PLPP3: variants seen among roughly 807,000 people sequenced by gnomAD.
PLPP3 encodes phospholipid phosphatase 3, also known as PAP2 beta.
Under a neutral mutation model 29.6 loss-of-function variants are expected in PLPP3, and 6 were observed. The observed-to-expected ratio is 0.20, with a 90% CI of 0.11 to 0.40. PLPP3 has a LOEUF of 0.40. Ranked by LOEUF, PLPP3 falls within the 10% of genes least tolerant of loss-of-function variation. The probability of loss-of-function intolerance (pLI) is 1.00; values close to 1 mark genes in which losing one functional copy is unlikely to be tolerated. For missense variants in PLPP3, 308 were observed against 407.7 expected, an observed-to-expected ratio of 0.76 and a Z score of 2.11; for synonymous variants, 152 against 159.7, an observed-to-expected ratio of 0.95 and a Z score of 0.36.
chr1:56,549,340 A>C (rs891267082), intron 1 of PLPP3, among the ~76,000 whole-genome samples: 3 of 152,186 alleles, frequency 2.0e-5, no homozygotes, highest in Non-Finnish European at 4.4e-5. Context: ...TCAATGAAGA[A>C]ATGTCTGATA....
At chr1:56,530,534 G>A (rs1485862265) in intron 2 of PLPP3, among the ~76,000 whole-genome samples, 2 of 152,194 alleles carry the variant, frequency 1.3e-5, no homozygotes, top group African/African-American at 4.8e-5. Context: ...CCAAGCATAT[G>A]ACTGACAAAG....
At chr1:56,512,277 T>C (rs1036133249) in intron 4 of PLPP3, 125 bp from the exon 5 acceptor site, 17 of 902,410 alleles carry the variant, frequency 1.9e-5, no homozygotes, top group Non-Finnish European at 2.5e-5. Context: ...TGGCATGTTG[T>C]AGATACAGCA....
chr1:56,545,328 A>T (rs1645997503), intron 1 of PLPP3, among the ~76,000 whole-genome samples: 1 of 152,172 alleles, frequency 6.6e-6, no homozygotes, highest in South Asian at 2.1e-4. Context: ...GAGGACTAAG[A>T]TGTAGTTGAT....
At chr1:56,565,957 T>C (rs1646158565) in intron 1 of PLPP3, among the ~76,000 whole-genome samples, 1 of 152,220 alleles carries the variant, frequency 6.6e-6, no homozygotes, top group Non-Finnish European at 1.5e-5. Context: ...AAGTGTCTCA[T>C]CTCATCATTA....
At position 56,496,605 on chromosome 1, in the gene PLPP3, T is replaced by C; in HGVS notation, c.882A>G (p.Glu294=). ...CAATAATGTCCACAGGTGAAAGGAT[T>C]TCCTTCCGGATAGCAGGGGCAGGCA... ...LSLPAPAIRK[E]ILSPVDIIDR... Residue 294 remains glutamate (E), a synonymous_variant, in exon 6 of 6, where the codon GAA becomes GAG. Transcript: ENST00000371250. The C allele has an allele frequency of 6.2e-7, 1 of 1,613,996 alleles. No individual in the cohort carries two copies. Among genetic ancestry groups the C allele is most frequent in the African/African-American group, 1.3e-5 (1 of 74,994 alleles).
rs116985015 is a variant in PLPP3 at position 56,505,844 on chromosome 1, C to T, written c.810+6132G>A. 6.6e-5 allele frequency among the ~76,000 whole-genome samples: 10 copies of T among 152,220 alleles called. No homozygotes were observed. In the East Asian group the frequency reaches 1.4e-3, roughly 21 times the overall value. The stretch of plus-strand genomic sequence containing the variant: ...TTGGACTTTTTATTGTGCTGGAGGT[C>T]GGAACCTCTAGTCCCCATGTTGTTC... On this transcript the variant is annotated intron_variant, in intron 5 of 5. Coordinates refer to ENST00000371250, the MANE Select transcript of PLPP3 (RefSeq NM_003713.5).
intron 1 of PLPP3, among the ~76,000 whole-genome samples, chr1:56,567,643 C>T (rs569020134): frequency 3.9e-5 from 6 of 152,004 alleles, no homozygotes; most frequent in Middle Eastern, 3.2e-3. Flanking sequence ...GTGATCCACC[C>T]GCCTCGGCCT....
rs117654180 is a variant in PLPP3, at chr1:56,499,565, C to A, written c.811-2889G>T. The stretch of plus-strand genomic sequence containing the variant: ...GCCTTGGACTTTATTGACAATACAA[C>A]TCCTACAGACTTGAGGGGGAACCAC... On this transcript the variant is annotated intron_variant, in intron 5 of 5. Transcript: ENST00000371250. Among the ~76,000 whole-genome samples, 29 of 152,320 alleles carry A rather than the reference C, an allele frequency of 1.9e-4. 1 individual carries two copies. In the East Asian group the frequency reaches 5.4e-3, roughly 28 times the overall value.
chr1:56,498,703 A>G (rs1645645962), intron 5 of PLPP3, among the ~76,000 whole-genome samples: 1 of 151,206 alleles, frequency 6.6e-6, no homozygotes, highest in African/African-American at 2.4e-5. Context: ...GCACGATCTC[A>G]GCTCACTGCA....
At chr1:56,512,297 T>C in intron 4 of PLPP3, 145 bp from the exon 5 acceptor site, 1 of 742,154 alleles carries the variant, frequency 1.3e-6, no homozygotes, top group South Asian at 2.1e-5. Context: ...AATTTGAACA[T>C]GACCTCAAGC....
chr1:56,553,265 C>T (rs1258299170), intron 1 of PLPP3, among the ~76,000 whole-genome samples: 1 of 152,178 alleles, frequency 6.6e-6, no homozygotes, highest in African/African-American at 2.4e-5. Flanking sequence ...TCCTGGATAT[C>T]CCAGCAGGGA....
intron 1 of PLPP3, among the ~76,000 whole-genome samples, chr1:56,541,725 A>T (rs1444936463): frequency 6.6e-6 from 1 of 152,186 alleles, no homozygotes; most frequent in Non-Finnish European, 1.5e-5. Flanking sequence ...CACTCTTCAG[A>T]GAAGGAAGCA....
At chr1:56,547,042 T>G (rs1646010574) in intron 1 of PLPP3, among the ~76,000 whole-genome samples, 1 of 152,240 alleles carries the variant, frequency 6.6e-6, no homozygotes, top group African/African-American at 2.4e-5. Context: ...GCATCATAAA[T>G]CTTACTCAGA....
At chr1:56,550,929 T>G (rs1646033872) in intron 1 of PLPP3, among the ~76,000 whole-genome samples, 1 of 152,116 alleles carries the variant, frequency 6.6e-6, no homozygotes, top group Non-Finnish European at 1.5e-5. Context: ...GGAATCTAAT[T>G]GGAAGGACAA....
At chr1:56,553,768 T>C (rs1277886003) in intron 1 of PLPP3, among the ~76,000 whole-genome samples, 2 of 152,216 alleles carry the variant, frequency 1.3e-5, no homozygotes, top group Admixed American at 6.5e-5. Flanking sequence ...TATACAGTTG[T>C]GTATGTGGAT....
chr1:56,556,032 T>C (rs1036377277), intron 1 of PLPP3, among the ~76,000 whole-genome samples: 2 of 152,212 alleles, frequency 1.3e-5, no homozygotes, highest in African/African-American at 4.8e-5. Flanking sequence ...TGAAAATGTA[T>C]CATTTTAGAG....
At chr1:56,500,586 G>C (rs1645660503) in intron 5 of PLPP3, among the ~76,000 whole-genome samples, 1 of 152,228 alleles carries the variant, frequency 6.6e-6, no homozygotes, top group Admixed American at 6.5e-5. Flanking sequence ...AGGCTGGAGA[G>C]GAGAGGACTA....
chr1:56,550,466 C>G (rs190197681), intron 1 of PLPP3, among the ~76,000 whole-genome samples: 2 of 152,260 alleles, frequency 1.3e-5, no homozygotes, highest in African/African-American at 4.8e-5. Context: ...TGCAAAGCAG[C>G]AAGGAGCCAG....
At position 56,494,984 on chromosome 1, in the gene PLPP3, T is replaced by C. The variant is rs1394703176; in HGVS notation, c.*1567A>G. The C allele has an allele frequency of 2.0e-5, 3 of 152,640 alleles. No homozygotes were observed. Among genetic ancestry groups the C allele is most frequent in the African/African-American group, 7.2e-5 (3 of 41,448 alleles). 9.5% of individuals were successfully genotyped at this position (152,640 alleles called of 1,614,324 possible). A position where few individuals can be genotyped will look rare whatever the true frequency, so the allele number is the denominator to read the frequency against. ...CTACCACAGAACTATGATATTTTAGTTGATATTTAAAAAAATTAACTCAAT... is the reference window on the plus strand; with the variant it reads ...CTACCACAGAACTATGATATTTTAGCTGATATTTAAAAAAATTAACTCAAT... On this transcript the variant is annotated 3_prime_UTR_variant, in exon 6 of 6. Coordinates refer to ENST00000371250, the MANE Select transcript of PLPP3 (RefSeq NM_003713.5).
Sources: allele counts gnomAD v4.1 joint callset (sites outside exome capture counted in the v4.1 genomes callset), GRCh38; gene constraint gnomAD v4.1.1; transcripts MANE v1.5; gene names NCBI Gene and HGNC (gene_info 2026-07-23, HGNC 2026-07-21).